ARHGAP40: variants seen among roughly 807,000 people sequenced by gnomAD.
The protein encoded by ARHGAP40 is Rho GTPase activating protein 40.
ARHGAP40 carries 43 observed loss-of-function variants against 73.5 expected under a neutral mutation model. That is an observed-to-expected ratio of 0.58 (90% CI 0.46 to 0.75). The LOEUF (loss-of-function observed/expected upper bound fraction) is 0.75, where lower values mean the gene tolerates loss of function less well. Among genes scored for constraint, ARHGAP40 ranks in the 30% least tolerant of loss-of-function variants. The pLI is 0.00. For synonymous variants in ARHGAP40, 300 were observed against 352.8 expected, an observed-to-expected ratio of 0.85 and a Z score of 1.68; for missense variants, 734 against 861.8, an observed-to-expected ratio of 0.85 and a Z score of 1.86.
At chr20:38,638,881 C>T (rs866515381) in intron 8 of ARHGAP40, 43 bp downstream of exon 8, 1 of 1,288,634 alleles carries the variant, frequency 7.8e-7, no homozygotes, top group Non-Finnish European at 1.0e-6. Flanking sequence ...TGCATCTCCC[C>T]CATGCTCACA....
At chr20:38,624,839 T>A (rs116602044) in intron 2 of ARHGAP40, among the ~76,000 whole-genome samples, 1,986 of 152,324 alleles carry the variant, frequency 0.013, 35 homozygotes, top group African/African-American at 0.045. Context: ...GCAGCAATGA[T>A]CACTGCCTGA....
chr20:38,634,974 CG>C (rs1568609736), intron 6 of ARHGAP40, among the ~76,000 whole-genome samples, 189 bp downstream of exon 6: 1 of 152,036 alleles, frequency 6.6e-6, no homozygotes, highest in Non-Finnish European at 1.5e-5. Context: ...CTCCGCCTCC[CG>C]GGTTCAAGCA....
intron 6 of ARHGAP40, among the ~76,000 whole-genome samples, chr20:38,635,151 A>G (rs1601145975): frequency 6.6e-6 from 1 of 151,952 alleles, no homozygotes; most frequent in African/African-American, 2.4e-5. Flanking sequence ...AAGTGCTGGG[A>G]TTACAGGTGT....
intron 1 of ARHGAP40, among the ~76,000 whole-genome samples, chr20:38,610,112 C>T (rs2088795599): frequency 6.6e-6 from 1 of 152,158 alleles, no homozygotes; most frequent in Non-Finnish European, 1.5e-5. Flanking sequence ...ATCTGGGGCT[C>T]AAGGATGGAC....
At chr20:38,627,624 T>TGTGGGG (rs2088909889) in intron 3 of ARHGAP40, among the ~76,000 whole-genome samples, 5 of 90,446 alleles carry the variant, frequency 5.5e-5, no homozygotes, top group Non-Finnish European at 1.3e-4. Flanking sequence ...TGTTGGTGTG[T>TGTGGGG]GTGTGTTGGG....
At chr20:38,601,842 G>C in exon 1 of ARHGAP40, 1 of 1,244,512 alleles carries the variant, frequency 8.0e-7, no homozygotes, top group Non-Finnish European at 1.0e-6. Context: ...AACTGGGTGC[G>C]CCACGGGGGC....
intron 3 of ARHGAP40, among the ~76,000 whole-genome samples, chr20:38,628,127 T>G (rs1306736016): frequency 6.6e-6 from 1 of 152,176 alleles, no homozygotes; most frequent in African/African-American, 2.4e-5. Flanking sequence ...GCCTTTTAAT[T>G]ACATGCAAAT....
exon 11 of ARHGAP40, chr20:38,643,839 G>A (rs902480818): frequency 8.4e-6 from 11 of 1,305,370 alleles, no homozygotes; most frequent in Non-Finnish European, 1.1e-5. Flanking sequence ...CAAAGGCAAG[G>A]AGAAGCAGCT....
chr20:38,617,280 C>A (rs577865205), intron 1 of ARHGAP40, among the ~76,000 whole-genome samples: 1 of 152,370 alleles, frequency 6.6e-6, no homozygotes, highest in Non-Finnish European at 1.5e-5. Context: ...CTCGGCTTCG[C>A]TGAGCAGGCT....
exon 15 of ARHGAP40, chr20:38,650,327 G>A (rs146230774): frequency 2.1e-6 from 1 of 471,192 alleles, no homozygotes; most frequent in Non-Finnish European, 4.4e-6. Flanking sequence ...GGTAGTTGGG[G>A]TCTTTTCCCC....
At chr20:38,624,540 C>T (rs892813727) in intron 2 of ARHGAP40, among the ~76,000 whole-genome samples, 14 of 152,162 alleles carry the variant, frequency 9.2e-5, no homozygotes, top group Admixed American at 5.9e-4. Context: ...CTTCGTGCCT[C>T]CTCTCTGCCT....
At chr20:38,649,346 G>A (rs1271792954) in intron 14 of ARHGAP40, among the ~76,000 whole-genome samples, 1 of 152,240 alleles carries the variant, frequency 6.6e-6, no homozygotes, top group African/African-American at 2.4e-5. Context: ...GATGCATTGA[G>A]GGGGTGCCCC....
At chr20:38,637,575 A>G (rs571358882) in intron 6 of ARHGAP40, 133 bp from the exon 7 acceptor site, 1 of 616,028 alleles carries the variant, frequency 1.6e-6, no homozygotes, top group Middle Eastern at 3.0e-4. Context: ...TTTGGGTCCA[A>G]CCATTCTCTA....
intron 6 of ARHGAP40, 85 bp from the exon 7 acceptor site, chr20:38,637,623 C>A: frequency 1.8e-6 from 2 of 1,082,422 alleles, no homozygotes; most frequent in Non-Finnish European, 2.5e-6. Context: ...GGGTCTGATT[C>A]TAGTTGCCCA....
intron 7 of ARHGAP40, among the ~76,000 whole-genome samples, chr20:38,638,431 G>T (rs1428595017): frequency 2.0e-5 from 3 of 152,110 alleles, no homozygotes; most frequent in Admixed American, 6.6e-5. Flanking sequence ...AGTGATCCTT[G>T]GGGTGGATTT....
In ARHGAP40 at chr20:38,611,504, A is replaced by C. The variant is rs531227418; in HGVS notation, c.137+9425A>C. On this transcript the variant is annotated intron_variant, in intron 1 of 14. Transcript: ENST00000373345. ...ACAATCATAGCTCACTGCAACCTCAAACTCCTGGGCTCAAGCAATCCTCCT... is the reference window on the plus strand; with the variant it reads ...ACAATCATAGCTCACTGCAACCTCACACTCCTGGGCTCAAGCAATCCTCCT... Among the ~76,000 whole-genome samples the C allele has an allele frequency of 4.3e-4, 65 of 151,744 alleles. 3 individuals are homozygous for C. In the South Asian group the frequency reaches 0.012, roughly 28 times the overall value.
chr20:38,627,025 A>G, exon 3 of ARHGAP40: 1 of 1,304,760 alleles, frequency 7.7e-7, no homozygotes, highest in Non-Finnish European at 1.0e-6. Flanking sequence ...TGGCTGCAGG[A>G]CACAGGCCTG....
At chr20:38,649,785 C>T in exon 15 of ARHGAP40, 4 of 1,305,236 alleles carry the variant, frequency 3.1e-6, no homozygotes, top group Non-Finnish European at 4.0e-6. Flanking sequence ...CAGATGCCTA[C>T]CTCTTAGATC....
chr20:38,643,799 T>C (rs2089034403), exon 11 of ARHGAP40: 1 of 1,305,740 alleles, frequency 7.7e-7, no homozygotes, highest in Non-Finnish European at 1.0e-6. Context: ...CTAACCTCTT[T>C]CTGCACCAAG....
Sources: gnomAD v4.1 joint callset for allele counts (sites outside exome capture counted in the v4.1 genomes callset) on GRCh38, gnomAD v4.1.1 for gene constraint, MANE v1.5 for transcripts, NCBI Gene and HGNC (gene_info 2026-07-23, HGNC 2026-07-21) for gene names.